Variants in SCARB1 observed in about 807,000 individuals in gnomAD.
SCARB1 encodes scavenger receptor class B member 1.
SCARB1 carries 30 observed loss-of-function variants against 57.2 expected under a neutral mutation model. The observed-to-expected ratio is 0.52, with a 90% CI of 0.39 to 0.71. SCARB1 has a LOEUF of 0.71. Ranked by LOEUF, SCARB1 falls within the 30% of genes least tolerant of loss-of-function variation. The probability of loss-of-function intolerance (pLI) is 0.00; values close to 1 mark genes in which losing one functional copy is unlikely to be tolerated. For synonymous variants in SCARB1, 249 were observed against 268.3 expected (o/e 0.93, Z 0.70); for missense variants, 543 against 671.2 (o/e 0.81, Z 2.11).
chr12:124,855,080 C>T (rs757289016), intron 1 of SCARB1, among the ~76,000 whole-genome samples: 2 of 152,138 alleles, frequency 1.3e-5, no homozygotes, highest in South Asian at 4.1e-4. Context: ...GAAGACAGAG[C>T]AGCCAGGAAG....
chr12:124,859,249 C>T (rs538673404), intron 1 of SCARB1, among the ~76,000 whole-genome samples: 10 of 151,696 alleles, frequency 6.6e-5, no homozygotes, highest in South Asian at 6.4e-4. Flanking sequence ...AAATAATGGC[C>T]GGGCATGGTG....
chr12:124,806,619 G>A (rs745727901), intron 7 of SCARB1, among the ~76,000 whole-genome samples: 2 of 152,224 alleles, frequency 1.3e-5, no homozygotes, highest in African/African-American at 2.4e-5. Flanking sequence ...ATTGGGCCGG[G>A]CACAGTGGCT....
intron 1 of SCARB1, among the ~76,000 whole-genome samples, chr12:124,843,290 T>TA (rs564951567): frequency 1.2e-4 from 12 of 103,558 alleles, no homozygotes; most frequent in Non-Finnish European, 2.4e-4. Context: ...TCTGTGGAGA[T>TA]GGGGGGGGGG....
chr12:124,777,012 A>G lies in SCARB1; in HGVS notation c.*1575T>C, dbSNP rs1164301303. The stretch of plus-strand genomic sequence containing the variant: ...GGGAAAAGGGCTAACATTTCTGACC[A>G]TAAAAGAGCTTGTTCGTATATTCTT... On this transcript the variant is annotated 3_prime_UTR_variant, in exon 13 of 13. Coordinates refer to ENST00000261693, the MANE Select transcript of SCARB1 (RefSeq NM_005505.5). 1 of 152,196 alleles carries G rather than the reference A, an allele frequency of 6.6e-6. No homozygotes were observed. The highest frequency in any genetic ancestry group is 2.4e-5 in the African/African-American group (1 of 41,462). The allele number at this position is 152,196 out of a possible 1,614,324, so 9.4% of individuals were successfully genotyped here. A position where few individuals can be genotyped will look rare whatever the true frequency, so the allele number is the denominator to read the frequency against.
chr12:124,807,984 C>T lies in SCARB1; in HGVS notation c.843-57G>A. ...CCCAGACCCGGCGGCCAGAGCCAGGCCCTGCCAAAGGCTGCCCAGATCCAG... is the reference window on the plus strand; with the variant it reads ...CCCAGACCCGGCGGCCAGAGCCAGGTCCTGCCAAAGGCTGCCCAGATCCAG... On this transcript the variant is annotated intron_variant, in intron 6 of 12. Coordinates refer to ENST00000261693, the MANE Select transcript of SCARB1 (RefSeq NM_005505.5). This position sits in a 1 kb window ranked among gnomAD's most constrained non-coding sequence, Gnocchi z 5.3. 1 of 1,578,810 alleles carries T rather than the reference C, an allele frequency of 6.3e-7. No homozygotes were observed. Among genetic ancestry groups the T allele is most frequent in the Non-Finnish European group, 8.7e-7 (1 of 1,149,786 alleles).
chr12:124,857,317 C>A (rs575325938), intron 1 of SCARB1, among the ~76,000 whole-genome samples: 4 of 152,258 alleles, frequency 2.6e-5, no homozygotes, highest in Non-Finnish European at 5.9e-5. Flanking sequence ...ACACTTGGAA[C>A]AGTATCCGGC....
chr12:124,790,396 C>T (rs1370222318), intron 9 of SCARB1, among the ~76,000 whole-genome samples: 1 of 151,960 alleles, frequency 6.6e-6, no homozygotes, highest in Non-Finnish European at 1.5e-5. Context: ...ACAACAACAA[C>T]AACAAAACAG....
chr12:124,821,300 C>G, intron 1 of SCARB1: 1 of 848,480 alleles, frequency 1.2e-6, no homozygotes, highest in South Asian at 5.4e-5. Flanking sequence ...CCTCAATTTC[C>G]CTTTGCAGCC....
Position 124,812,158 on chromosome 12 carries a change from G to A in SCARB1, c.631-193C>T, listed in dbSNP as rs114072582. 3.9e-3 allele frequency among the ~76,000 whole-genome samples: 597 copies of A among 152,258 alleles called. 4 individuals are homozygous for A. Among genetic ancestry groups the A allele is most frequent in the African/African-American group, 0.014 (573 of 41,538 alleles). ...GGAGCTTTCTAGGAGGAATGGTCCC[G>A]GGTTCTGTGGCTGCAGTGTTCCACC... is the stretch of plus-strand genomic sequence containing the variant. On this transcript the variant is annotated intron_variant, in intron 4 of 12. Transcript: ENST00000261693. This position sits in a 1 kb window ranked among gnomAD's most constrained non-coding sequence, Gnocchi z 4.3.
intron 1 of SCARB1, among the ~76,000 whole-genome samples, chr12:124,836,958 C>G (rs1429070749): frequency 2.6e-5 from 4 of 152,212 alleles, no homozygotes; most frequent in Non-Finnish European, 5.9e-5. Context: ...AGGCTGGGCA[C>G]TGCCTTGGTA....
In SCARB1 at chr12:124,807,467, G is replaced by A. The variant is rs1157663147; in HGVS notation, c.1009+294C>T. Among the ~76,000 whole-genome samples the A allele has an allele frequency of 2.0e-5, 3 of 152,094 alleles. No homozygotes were observed. The highest frequency in any genetic ancestry group is 4.4e-5 in the Non-Finnish European group (3 of 68,010). On this transcript the variant is annotated intron_variant, in intron 7 of 12. Transcript: ENST00000261693. This position sits in a 1 kb window ranked among gnomAD's most constrained non-coding sequence, Gnocchi z 5.3. ...TAGAGCCTCCAGAAGGAACACAGCC[G>A]CCTTGTTCTGAGCGCGGTGAGACCC...
In SCARB1 at chr12:124,810,271, C is replaced by T. The variant is rs201357313; in HGVS notation, c.745G>A (p.Asp249Asn). 80 of 1,613,666 alleles carry T rather than the reference C, an allele frequency of 5.0e-5. No homozygotes were observed. Among genetic ancestry groups the T allele is most frequent in the Non-Finnish European group, 5.3e-5 (63 of 1,179,760 alleles). Residue 249 changes from aspartate to asparagine, a missense_variant, in exon 6 of 13, where the codon GAT becomes AAT. Transcript: ENST00000261693. This position sits in a 1 kb window ranked among gnomAD's most constrained non-coding sequence, Gnocchi z 4.0. ...GLSKVDFWHS[D>N]QCNMINGTSG... is the part of the protein sequence containing the mutation. Reference sequence around the variant, plus strand: ...GTTCCATTGATCATGTTGCACTGATCGGAATGCCAGAAGTCAACCTGGGGG... The same window carrying T: ...GTTCCATTGATCATGTTGCACTGATTGGAATGCCAGAAGTCAACCTGGGGG...
At chr12:124,852,542 G>A (rs1441931499) in intron 1 of SCARB1, among the ~76,000 whole-genome samples, 1 of 152,186 alleles carries the variant, frequency 6.6e-6, no homozygotes, top group Non-Finnish European at 1.5e-5. Flanking sequence ...TCCACGCTGC[G>A]GAGGACCCCC....
At chr12:124,833,910 C>T (rs1034061178) in intron 1 of SCARB1, among the ~76,000 whole-genome samples, 12 of 152,374 alleles carry the variant, frequency 7.9e-5, no homozygotes, top group Middle Eastern at 3.4e-3. Flanking sequence ...AGGACACTCT[C>T]CCGCAGCTGC....
chr12:124,853,383 T>C lies in SCARB1; in HGVS notation c.126+10212A>G, dbSNP rs539793717. ...GCTTCTTGAAATGATCCAGTTTGCA[T>C]AGTTTTGTTTTTTTTTTTTTTTTTT... On this transcript the variant is annotated intron_variant, in intron 1 of 12. Transcript: ENST00000261693. 5.5e-5 allele frequency among the ~76,000 whole-genome samples: 8 copies of C among 144,198 alleles called. No homozygotes were observed. In the South Asian group the frequency reaches 6.7e-4, roughly 12 times the overall value. The allele number at this position is 144,198 out of a possible 152,430, so 94.6% of individuals were successfully genotyped here.
At chr12:124,781,691 T>A (rs192722601) in intron 12 of SCARB1, among the ~76,000 whole-genome samples, 87 of 152,328 alleles carry the variant, frequency 5.7e-4, no homozygotes, top group African/African-American at 1.9e-3. Context: ...CGTCCTATCA[T>A]TGCACAGGAA....
intron 7 of SCARB1, among the ~76,000 whole-genome samples, chr12:124,805,122 GGAAGACAAGAAGACCAAGACAA>G (rs1950277201): frequency 8.8e-6 from 1 of 114,020 alleles, no homozygotes; most frequent in Non-Finnish European, 1.6e-5. Flanking sequence ...GACAAGAAGA[GGAAGACAAGAAGACCAAGACAA>G]GAAGACAAGA....
intron 1 of SCARB1, among the ~76,000 whole-genome samples, chr12:124,862,209 A>C (rs1367461512): frequency 2.0e-5 from 3 of 152,164 alleles, no homozygotes; most frequent in Non-Finnish European, 4.4e-5. Flanking sequence ...AAAGCCTCTG[A>C]GCTGTCATGG....
intron 7 of SCARB1, among the ~76,000 whole-genome samples, chr12:124,804,034 C>A (rs1390826472): frequency 6.6e-6 from 1 of 152,198 alleles, no homozygotes; most frequent in Non-Finnish European, 1.5e-5. Flanking sequence ...TCGTTTCTCC[C>A]CCTTCTCCTG....
Sources: allele counts gnomAD v4.1 joint callset (sites outside exome capture counted in the v4.1 genomes callset), GRCh38; gene constraint gnomAD v4.1.1; non-coding constraint Gnocchi (gnomAD v3.1); transcripts MANE v1.5; gene names NCBI Gene and HGNC (gene_info 2026-07-23, HGNC 2026-07-21).